The following EYA2 variants were observed in gnomAD, a reference collection of about 807,000 sequenced individuals.
EYA2 encodes EYA transcriptional coactivator and phosphatase 2.
A neutral mutation model predicts 69.2 loss-of-function variants in EYA2; 31 were observed. The ratio of observed to expected loss-of-function variants is 0.45; its 90% CI spans 0.34 to 0.60. The LOEUF (loss-of-function observed/expected upper bound fraction) is 0.60. EYA2 is among the 20% of genes least tolerant of loss of function. The probability of loss-of-function intolerance (pLI) is 0.02; values close to 1 mark genes in which losing one functional copy is unlikely to be tolerated. For missense variants in EYA2, 622 were observed against 701.2 expected (o/e 0.89, Z 1.28); for synonymous variants, 257 against 279.4 (o/e 0.92, Z 0.80).
chr20:46,923,226 C>T (rs112941845), intron 1 of EYA2, among the ~76,000 whole-genome samples: 1,896 of 152,154 alleles, frequency 0.012, 42 homozygotes, highest in African/African-American at 0.044. Context: ...ATTAGCCAGG[C>T]GTGGTGGCAG....
intron 10 of EYA2, among the ~76,000 whole-genome samples, chr20:47,168,792 A>G (rs1219536106): frequency 6.6e-6 from 1 of 152,206 alleles, no homozygotes; most frequent in Non-Finnish European, 1.5e-5. Context: ...GTCTGGCCAT[A>G]CTTGGGAAGC....
chr20:46,913,796 A>T (rs1984763648), intron 1 of EYA2, among the ~76,000 whole-genome samples: 1 of 152,116 alleles, frequency 6.6e-6, no homozygotes, highest in Non-Finnish European at 1.5e-5. Context: ...AAATGGGGAC[A>T]GTGGAGGGAG....
chr20:46,909,057 T>C (rs1216948267), intron 1 of EYA2, among the ~76,000 whole-genome samples: 1 of 151,974 alleles, frequency 6.6e-6, no homozygotes, highest in East Asian at 1.9e-4. Flanking sequence ...GAGTTTTTCC[T>C]GATCTCCGCT....
At chr20:47,052,568 T>C (rs886157518) in intron 5 of EYA2, among the ~76,000 whole-genome samples, 1 of 152,234 alleles carries the variant, frequency 6.6e-6, no homozygotes, top group Admixed American at 6.5e-5. Context: ...AGTGCCCTTT[T>C]GTAAACCGCT....
chr20:47,139,565 G>C (rs1218741061), intron 9 of EYA2, among the ~76,000 whole-genome samples: 2 of 152,174 alleles, frequency 1.3e-5, no homozygotes, highest in African/African-American at 2.4e-5. Flanking sequence ...GAATAGCTGG[G>C]ATTACAGGCA....
intron 5 of EYA2, among the ~76,000 whole-genome samples, chr20:47,054,547 T>TC (rs1406755152): frequency 6.6e-6 from 1 of 152,050 alleles, no homozygotes; most frequent in Admixed American, 6.5e-5. Context: ...AGTAAAAGCC[T>TC]CCTCCCCTCT....
intron 11 of EYA2, among the ~76,000 whole-genome samples, chr20:47,171,175 T>C (rs746358748): frequency 1.2e-4 from 19 of 152,236 alleles, no homozygotes; most frequent in Non-Finnish European, 2.5e-4. Flanking sequence ...TCTGTTTCTA[T>C]AGTTTCCCCT....
chr20:47,023,925 A>G (rs952006381), intron 5 of EYA2, among the ~76,000 whole-genome samples: 1 of 152,178 alleles, frequency 6.6e-6, no homozygotes, highest in Non-Finnish European at 1.5e-5. Context: ...ATGAGCCACC[A>G]TGCCCAGCCT....
At chr20:47,005,404 G>A (rs920700369) in intron 4 of EYA2, among the ~76,000 whole-genome samples, 7 of 152,304 alleles carry the variant, frequency 4.6e-5, no homozygotes, top group Middle Eastern at 3.4e-3. Flanking sequence ...AAGCGTCATC[G>A]TGAGGTGTAA....
chr20:47,161,725 T>G (rs1046823604), intron 10 of EYA2: 1 of 195,338 alleles, frequency 5.1e-6, no homozygotes, highest in Non-Finnish European at 1.0e-5. Flanking sequence ...GATGTTTTCT[T>G]GGAGAAGAAA....
intron 2 of EYA2, among the ~76,000 whole-genome samples, chr20:47,000,000 G>A (rs1221287822): frequency 6.6e-6 from 1 of 152,202 alleles, no homozygotes; most frequent in African/African-American, 2.4e-5. Flanking sequence ...GTCATCGTCA[G>A]CTGTAGTGTC....
rs2031246949 is a variant in EYA2 at position 47,069,828 on chromosome 20, A to G, written c.416-2357A>G. The stretch of plus-strand genomic sequence containing the variant: ...TCCTGGAACAACTGTGTGTGTGTAT[A>G]TGTATATATACACACATATACATAC... On this transcript the variant is annotated intron_variant, in intron 5 of 15. Transcript: ENST00000327619. Among the ~76,000 whole-genome samples the G allele has an allele frequency of 3.3e-5, 5 of 149,344 alleles. No homozygotes were observed. The South Asian group carries it at 1.1e-3, about 32-fold the overall frequency.
rs539775383 is a variant in EYA2 at position 47,135,059 on chromosome 20, G to A, written c.889-8000G>A. 1.3e-4 allele frequency among the ~76,000 whole-genome samples: 19 copies of A among 148,650 alleles called. No homozygotes were observed. The South Asian group carries it at 3.2e-3, about 25-fold the overall frequency. On this transcript the variant is annotated intron_variant, in intron 9 of 15. Coordinates refer to ENST00000327619, the MANE Select transcript of EYA2 (RefSeq NM_005244.5). ...CAAGAATGGCGTGAACCCAGGAGGC[G>A]GAGCTTGCAGTGAGCCGAGATCACG...
intron 1 of EYA2, among the ~76,000 whole-genome samples, chr20:46,986,427 A>ATATAGATCTATATAATATCTATATATATG (rs1981218198): frequency 1.1e-5 from 1 of 90,224 alleles, no homozygotes; most frequent in Non-Finnish European, 2.6e-5. Context: ...CTATATATAT[A>ATATAGATCTATATAATATCTATATATATG]ATATATAATA....
At chr20:47,049,917 A>C (rs2030242631) in intron 5 of EYA2, among the ~76,000 whole-genome samples, 1 of 143,510 alleles carries the variant, frequency 7.0e-6, no homozygotes, top group Non-Finnish European at 1.5e-5. Context: ...ACTTTTGATG[A>C]ATACTAGCTG....
At chr20:46,994,590 G>C (rs963939613) in intron 2 of EYA2, among the ~76,000 whole-genome samples, 8 of 152,172 alleles carry the variant, frequency 5.3e-5, no homozygotes, top group African/African-American at 1.9e-4. Context: ...ACCCGGGGCT[G>C]ACGGGTTTTG....
chr20:47,011,707 TTCC>T (rs1415631093), intron 4 of EYA2, among the ~76,000 whole-genome samples: 1 of 152,140 alleles, frequency 6.6e-6, no homozygotes, highest in Non-Finnish European at 1.5e-5. Context: ...CTGGGACCTC[TTCC>T]TCCTCCTCCA....
Position 47,172,819 on chromosome 20 carries a change from T to C in EYA2, c.1150T>C (p.Tyr384His), listed in dbSNP as rs1405591008. 4.3e-6 allele frequency: 7 copies of C among 1,613,974 alleles called. No homozygotes were observed. The highest frequency in any genetic ancestry group is 5.9e-6 in the Non-Finnish European group (7 of 1,179,998). The change falls in exon 12 of 16, where the codon TAC becomes CAC. Residue 384 changes from tyrosine to histidine, a missense_variant. This residue lies in a region of EYA2 where 257 missense variants were observed against 351.5 expected (regional missense o/e 0.73). Coordinates refer to ENST00000327619, the MANE Select transcript of EYA2 (RefSeq NM_005244.5). ...CTGGATGAGGAAGCTGGCCTTCCGCTACCGGCGGGTGAAGGAGATGTACAA... is the reference window on the plus strand; with the variant it reads ...CTGGATGAGGAAGCTGGCCTTCCGCCACCGGCGGGTGAAGGAGATGTACAA... ...VDWMRKLAFR[Y>H]RRVKEMYNTY...
chr20:47,180,629 G>A (rs2034520048), intron 13 of EYA2, among the ~76,000 whole-genome samples, 186 bp from the exon 14 acceptor site: 1 of 152,112 alleles, frequency 6.6e-6, no homozygotes, highest in Admixed American at 6.6e-5. Context: ...ATTTCACTAT[G>A]TCAGGCAGCT....
Sources: gnomAD v4.1 joint callset for allele counts (sites outside exome capture counted in the v4.1 genomes callset) on GRCh38, gnomAD v4.1.1 for gene constraint, gnomAD v4.1.1 regional missense constraint, MANE v1.5 for transcripts, NCBI Gene and HGNC (gene_info 2026-07-23, HGNC 2026-07-21) for gene names.